NALCN: variants seen among roughly 807,000 people sequenced by gnomAD.
NALCN encodes sodium leak channel, non-selective.
A neutral mutation model predicts 225.3 loss-of-function variants in NALCN; 111 were observed. The ratio of observed to expected loss-of-function variants is 0.49; its 90% confidence interval spans 0.42 to 0.58. NALCN has a LOEUF of 0.58. NALCN is among the 20% of genes least tolerant of loss of function. The probability of loss-of-function intolerance (pLI) is 0.00; values close to 1 mark genes in which losing one functional copy is unlikely to be tolerated. For missense variants in NALCN, 1,378 were observed against 2,202.4 expected, an observed-to-expected ratio of 0.63 and a Z score of 7.49; for synonymous variants, 764 against 769.0, an observed-to-expected ratio of 0.99 and a Z score of 0.11.
chr13:101,153,694 A>G (rs1384531190), intron 15 of NALCN, among the ~76,000 whole-genome samples: 2 of 152,104 alleles, frequency 1.3e-5, no homozygotes, highest in African/African-American at 2.4e-5. Flanking sequence ...GCTGAATCCA[A>G]TGGTCAATTG....
intron 30 of NALCN, among the ~76,000 whole-genome samples, chr13:101,086,600 T>C (rs1326175298): frequency 6.6e-6 from 1 of 152,114 alleles, no homozygotes; most frequent in African/African-American, 2.4e-5. Context: ...TCTCAAATTG[T>C]TGTAATTAGA....
intron 15 of NALCN, among the ~76,000 whole-genome samples, chr13:101,157,888 G>A (rs547241563): frequency 6.6e-6 from 1 of 152,058 alleles, no homozygotes. Context: ...GAGTAGCTGG[G>A]ATTATAGGCA....
intron 15 of NALCN, among the ~76,000 whole-genome samples, chr13:101,152,267 G>A (rs2037688142): frequency 6.6e-6 from 1 of 152,134 alleles, no homozygotes; most frequent in African/African-American, 2.4e-5. Context: ...ATCCTGGCTG[G>A]TTACTCATTC....
chr13:101,094,134 C>G (rs970420818), intron 28 of NALCN, among the ~76,000 whole-genome samples: 5 of 152,188 alleles, frequency 3.3e-5, no homozygotes, highest in Admixed American at 1.3e-4. Context: ...CCTACGGACC[C>G]TTTGGAGGGG....
intron 18 of NALCN, chr13:101,116,787 T>C (rs750244650): frequency 2.1e-5 from 8 of 375,468 alleles, no homozygotes; most frequent in Non-Finnish European, 3.7e-5. Flanking sequence ...AAAAGTATTA[T>C]CCAAGGTTGG....
chr13:101,177,060 G>A (rs2038985994), intron 14 of NALCN, among the ~76,000 whole-genome samples: 1 of 152,206 alleles, frequency 6.6e-6, no homozygotes, highest in African/African-American at 2.4e-5. Context: ...GCTATGTTGT[G>A]AGGATGCTCA....
At chr13:101,072,234 C>A (rs2032943278) in intron 37 of NALCN, among the ~76,000 whole-genome samples, 1 of 152,156 alleles carries the variant, frequency 6.6e-6, no homozygotes. Context: ...CCCTGATAGA[C>A]CTGCTCCACA....
chr13:101,097,606 C>T (rs1210434922), intron 27 of NALCN, among the ~76,000 whole-genome samples: 4 of 152,166 alleles, frequency 2.6e-5, no homozygotes, highest in Admixed American at 6.5e-5. Context: ...AATCTTTCTA[C>T]ACCTGTTTTC....
intron 30 of NALCN, among the ~76,000 whole-genome samples, chr13:101,087,804 T>C (rs966137896): frequency 6.6e-5 from 10 of 152,206 alleles, no homozygotes; most frequent in Non-Finnish European, 1.3e-4. Flanking sequence ...CTGAACATTT[T>C]ATGTTGTTCT....
chr13:101,066,051 C>T (rs1043116288), intron 39 of NALCN, among the ~76,000 whole-genome samples: 7 of 152,242 alleles, frequency 4.6e-5, no homozygotes, highest in South Asian at 2.1e-4. Context: ...AAAGATAACT[C>T]GTGTTGGATC....
rs1207650039 is a variant in NALCN, at chr13:101,080,628, ATT to A, written c.3885+897_3885+898del. On this transcript the variant is annotated intron_variant, in intron 34 of 43. Coordinates refer to ENST00000251127, the MANE Select transcript of NALCN (RefSeq NM_052867.4). Reference sequence around the variant, plus strand: ...AATTATATAATCAATTAAATTAATTATTTAATTAAATATATTAATATATAATA... The same window carrying A: ...AATTATATAATCAATTAAATTAATTATAATTAAATATATTAATATATAATA... Among the ~76,000 whole-genome samples, 521 of 146,148 alleles carry A rather than the reference ATT, an allele frequency of 3.6e-3. 4 individuals carry two copies. The highest frequency in any genetic ancestry group is 0.012 in the African/African-American group (502 of 40,442).
intron 15 of NALCN, among the ~76,000 whole-genome samples, chr13:101,163,846 T>A (rs1164971490): frequency 6.6e-6 from 1 of 152,074 alleles, no homozygotes; most frequent in Non-Finnish European, 1.5e-5. Context: ...AAGTCTGAGA[T>A]CAAGATGTCA....
chr13:101,102,862 C>T (rs1259709323), intron 26 of NALCN, among the ~76,000 whole-genome samples: 1 of 152,146 alleles, frequency 6.6e-6, no homozygotes, highest in Non-Finnish European at 1.5e-5. Context: ...CCTTCATTTT[C>T]AGATGGGAGG....
intron 12 of NALCN, among the ~76,000 whole-genome samples, chr13:101,232,573 G>A (rs1307281046): frequency 1.3e-5 from 2 of 151,578 alleles, no homozygotes; most frequent in Admixed American, 6.6e-5. Context: ...AGCCTCCCGA[G>A]TAGCTGGGAC....
chr13:101,128,703 G>A lies in NALCN; in HGVS notation c.2119-4022C>T, dbSNP rs7322514. ...CTTCTGAGTAGCTGGGACTACAGGC[G>A]TGTGCCATCACATATAGCTAAGTAA... On this transcript the variant is annotated intron_variant, in intron 17 of 43. Coordinates refer to ENST00000251127, the MANE Select transcript of NALCN (RefSeq NM_052867.4). 7.8e-3 allele frequency among the ~76,000 whole-genome samples: 1,190 copies of A among 151,984 alleles called. 24 individuals carry two copies. The highest frequency in any genetic ancestry group is 0.027 in the African/African-American group (1,119 of 41,420).
intron 17 of NALCN, among the ~76,000 whole-genome samples, chr13:101,126,143 C>G (rs1165479014): frequency 1.3e-5 from 2 of 152,164 alleles, no homozygotes; most frequent in African/African-American, 4.8e-5. Flanking sequence ...GAGTAACAAA[C>G]AGGTCTTTTT....
chr13:101,067,272 G>A (rs1254095057), intron 39 of NALCN, among the ~76,000 whole-genome samples: 2 of 90,848 alleles, frequency 2.2e-5, no homozygotes, highest in South Asian at 4.1e-4. Context: ...GGAGGTGGAC[G>A]AGGAGGAGGG....
intron 3 of NALCN, among the ~76,000 whole-genome samples, chr13:101,394,567 A>G (rs975244392): frequency 6.6e-6 from 1 of 152,188 alleles, no homozygotes; most frequent in Non-Finnish European, 1.5e-5. Context: ...CTATGGAAGG[A>G]AAAGATATCC....
rs553855336 is a variant in NALCN, at chr13:101,155,234, C to T, written c.1840-10338G>A. On this transcript the variant is annotated intron_variant, in intron 15 of 43. Transcript: ENST00000251127. ...ACATTTATCAAAACTACAAAATTAACCTTGGTCAAATACTTTTAACTAAAG... is the reference window on the plus strand; with the variant it reads ...ACATTTATCAAAACTACAAAATTAATCTTGGTCAAATACTTTTAACTAAAG... Among the ~76,000 whole-genome samples the T allele has an allele frequency of 5.3e-4, 81 of 152,282 alleles. 1 individual carries two copies. The highest frequency in any genetic ancestry group is 1.9e-3 in the African/African-American group (80 of 41,558).
Sources: gnomAD v4.1 joint callset for allele counts (sites outside exome capture counted in the v4.1 genomes callset) on GRCh38, gnomAD v4.1.1 for gene constraint, MANE v1.5 for transcripts, NCBI Gene and HGNC (gene_info 2026-07-23, HGNC 2026-07-21) for gene names.